LHX6: variants seen among roughly 807,000 people sequenced by gnomAD.
The protein encoded by LHX6 is LIM homeobox 6.
In LHX6, 15 loss-of-function variants were observed where a neutral mutation model predicts 47.1. The ratio of observed to expected loss-of-function variants is 0.32; its 90% CI spans 0.21 to 0.49. The LOEUF (loss-of-function observed/expected upper bound fraction) is 0.49. LHX6 is among the 20% of genes least tolerant of loss of function. The pLI is 0.99. For synonymous variants in LHX6, 242 were observed against 233.5 expected (o/e 1.04, Z -0.33); for missense variants, 404 against 539.6 (o/e 0.75, Z 2.49).
chr9:122,214,187 C>CG lies in LHX6; in HGVS notation c.783+95dup. 1 of 1,353,540 alleles carries CG rather than the reference C, an allele frequency of 7.4e-7. No homozygotes were observed. Among genetic ancestry groups the CG allele is most frequent in the Non-Finnish European group, 9.8e-7 (1 of 1,018,022 alleles). The allele number at this position is 1,353,540 out of a possible 1,614,324, so 83.8% of individuals were successfully genotyped here. On this transcript the variant is annotated intron_variant, in intron 6 of 9. Coordinates refer to ENST00000394319, the MANE Select transcript of LHX6 (RefSeq NM_014368.5). The surrounding 1 kb of genome is among the most constrained non-coding windows in gnomAD (Gnocchi z 4.6). ...GCAGCTGCGGCCCCGCCCCGCCACC[C>CG]GGGTCCGGCCCGAGGGGCGGAGCCA... is the stretch of plus-strand genomic sequence containing the variant.
intron 4 of LHX6, among the ~76,000 whole-genome samples, chr9:122,219,103 C>G (rs1341617544): frequency 6.6e-6 from 1 of 152,196 alleles, no homozygotes; most frequent in Non-Finnish European, 1.5e-5. Flanking sequence ...AGGAAACAGT[C>G]CGGCAAAAAG....
Position 122,217,731 on chromosome 9 carries a change from G to C in LHX6, c.462-443C>G, listed in dbSNP as rs1035641690. 1.3e-5 allele frequency among the ~76,000 whole-genome samples: 2 copies of C among 152,130 alleles called. No homozygotes were observed. The highest frequency in any genetic ancestry group is 4.8e-5 in the African/African-American group (2 of 41,412). On this transcript the variant is annotated intron_variant, in intron 4 of 9. Transcript: ENST00000394319. The surrounding 1 kb of genome is among the most constrained non-coding windows in gnomAD (Gnocchi z 4.9). ...AGAGAGGTAAAGTAACTTGCAGGAG[G>C]TCACACCGCTTGCAATGATAGGAAC...
intron 4 of LHX6, among the ~76,000 whole-genome samples, chr9:122,221,903 T>C (rs1350471952): frequency 6.6e-6 from 1 of 152,142 alleles, no homozygotes; most frequent in East Asian, 1.9e-4. Context: ...ATAGGGCTTA[T>C]CTAGTCTCTA....
At chr9:122,212,560 T>C (rs1172719319) in intron 8 of LHX6, among the ~76,000 whole-genome samples, 1 of 152,154 alleles carries the variant, frequency 6.6e-6, no homozygotes, top group African/African-American at 2.4e-5. Flanking sequence ...AAACAATTGA[T>C]GGGAACAACT....
chr9:122,227,576 C>T (rs1831166668), intron 1 of LHX6, 96 bp from the exon 2 acceptor site: 23 of 1,410,178 alleles, frequency 1.6e-5, no homozygotes, highest in Non-Finnish European at 1.8e-5. Flanking sequence ...TTATATAAAC[C>T]GGCGCCGAAC....
rs541551324 is a variant in LHX6 at position 122,214,624 on chromosome 9, C to T, written c.683-241G>A. Among the ~76,000 whole-genome samples the T allele has an allele frequency of 1.6e-4, 25 of 152,038 alleles. No individual in the cohort carries two copies. The highest frequency in any genetic ancestry group is 2.6e-4 in the Admixed American group (4 of 15,270). ...GTCTTACAGCCCTAAGGAGAGGTGG[C>T]GTTACCTCATTATACATGGGAGGAA... On this transcript the variant is annotated intron_variant, in intron 5 of 9. Transcript: ENST00000394319. The surrounding 1 kb of genome is among the most constrained non-coding windows in gnomAD (Gnocchi z 4.6).
chr9:122,217,805 A>G lies in LHX6; in HGVS notation c.462-517T>C, dbSNP rs1198903361. ...GAATATAAGCTATAGCGCCAGCTGT[A>G]CAGAAGTGCAGTTTCTTAGATGAAC... On this transcript the variant is annotated intron_variant, in intron 4 of 9. Transcript: ENST00000394319. The surrounding 1 kb of genome is among the most constrained non-coding windows in gnomAD (Gnocchi z 4.9). Among the ~76,000 whole-genome samples, 2 of 152,164 alleles carry G rather than the reference A, an allele frequency of 1.3e-5. No homozygotes were observed. The highest frequency in any genetic ancestry group is 4.8e-5 in the African/African-American group (2 of 41,438).
intron 1 of LHX6, chr9:122,227,952 A>AAT: frequency 7.6e-6 from 1 of 131,682 alleles, no homozygotes; most frequent in Admixed American, 8.1e-5. Context: ...TTCTCTCTCC[A>AAT]CCCGCCCCCC....
At position 122,217,031 on chromosome 9, in the gene LHX6, C is replaced by A; in HGVS notation, c.682+37G>T. On this transcript the variant is annotated intron_variant, in intron 5 of 9. Transcript: ENST00000394319. This position sits in a 1 kb window ranked among gnomAD's most constrained non-coding sequence, Gnocchi z 4.9. Reference sequence around the variant, plus strand: ...TGGGGTGGGGTGGGGTGGGAAAGGGCTGGGGGCAGAGGTGCCAGGCGGAGC... The same window carrying A: ...TGGGGTGGGGTGGGGTGGGAAAGGGATGGGGGCAGAGGTGCCAGGCGGAGC... The A allele has an allele frequency of 6.3e-7, 1 of 1,580,266 alleles. No homozygotes were observed. Among genetic ancestry groups the A allele is most frequent in the Non-Finnish European group, 8.7e-7 (1 of 1,151,048 alleles).
chr9:122,224,433 A>G (rs1831005804), intron 4 of LHX6, among the ~76,000 whole-genome samples: 1 of 152,178 alleles, frequency 6.6e-6, no homozygotes, highest in Non-Finnish European at 1.5e-5. Flanking sequence ...CTCAGATGGG[A>G]CAGTGAGAGG....
chr9:122,207,969 C>G (rs1195867821), intron 9 of LHX6, among the ~76,000 whole-genome samples: 1 of 152,106 alleles, frequency 6.6e-6, no homozygotes, highest in African/African-American at 2.4e-5. Flanking sequence ...CTCCTGACTC[C>G]AGCCCTAATG....
chr9:122,221,201 C>A, intron 4 of LHX6: 1 of 985,140 alleles, frequency 1.0e-6, no homozygotes, highest in Non-Finnish European at 1.2e-6. Context: ...TCTAGGTAAA[C>A]CCGTAGGGGA....
At chr9:122,210,513 C>A (rs1179615170) in intron 8 of LHX6, among the ~76,000 whole-genome samples, 2 of 152,106 alleles carry the variant, frequency 1.3e-5, no homozygotes, top group African/African-American at 4.8e-5. Flanking sequence ...TATCTCCTAC[C>A]CTCCCTGTCT....
rs553497706 is a variant in LHX6, at chr9:122,226,167, G to A, written c.461+209C>T. Among the ~76,000 whole-genome samples the A allele has an allele frequency of 7.2e-5, 11 of 152,288 alleles. No homozygotes were observed. The South Asian group carries it at 2.1e-3, about 29-fold the overall frequency. ...GACCGCGAGGACCGAAGGCAGATCC[G>A]GGGCGCAAACCTGTGCAGGCACTGG... On this transcript the variant is annotated intron_variant, in intron 4 of 9. Coordinates refer to ENST00000394319, the MANE Select transcript of LHX6 (RefSeq NM_014368.5). This position sits in a 1 kb window ranked among gnomAD's most constrained non-coding sequence, Gnocchi z 6.5.
chr9:122,210,350 G>T (rs1830356012), intron 8 of LHX6, among the ~76,000 whole-genome samples: 1 of 152,062 alleles, frequency 6.6e-6, no homozygotes, highest in Admixed American at 6.6e-5. Context: ...TGCCTATTCA[G>T]GCCCTGCAAG....
rs1012329612 is a variant in LHX6 at position 122,225,534 on chromosome 9, C to T, written c.461+842G>A. ...CGCCTGGCTGCTCTCGGCTGCTGGA[C>T]GCGGCCTGCAGTAGGGAGAGCGCAG... On this transcript the variant is annotated intron_variant, in intron 4 of 9. Transcript: ENST00000394319. Among the ~76,000 whole-genome samples the T allele has an allele frequency of 5.3e-5, 8 of 152,260 alleles. No homozygotes were observed. The South Asian group carries it at 6.2e-4, about 12-fold the overall frequency.
In LHX6 at chr9:122,226,218, C is replaced by T. The variant is rs1479334809; in HGVS notation, c.461+158G>A. 6.6e-6 allele frequency among the ~76,000 whole-genome samples: 1 copy of T among 152,212 alleles called. No homozygotes were observed. Among genetic ancestry groups the T allele is most frequent in the African/African-American group, 2.4e-5 (1 of 41,458 alleles). On this transcript the variant is annotated intron_variant, in intron 4 of 9. Coordinates refer to ENST00000394319, the MANE Select transcript of LHX6 (RefSeq NM_014368.5). The surrounding 1 kb of genome is among the most constrained non-coding windows in gnomAD (Gnocchi z 6.5). ...CGCGCTGCCTGGAGCTCTGGGTTCG[C>T]GCCGCTGAGCGCCGGCAGGTTGGAC...
intron 9 of LHX6, among the ~76,000 whole-genome samples, chr9:122,206,246 T>C (rs1373039008): frequency 6.6e-6 from 1 of 152,178 alleles, no homozygotes; most frequent in Non-Finnish European, 1.5e-5. Flanking sequence ...AGCACTGTTC[T>C]CCTGGCCAGG....
In LHX6 at chr9:122,214,754, T is replaced by TG. The variant is rs1491123283; in HGVS notation, c.683-372dup. Among the ~76,000 whole-genome samples the TG allele has an allele frequency of 6.6e-6, 1 of 151,986 alleles. No homozygotes were observed. The highest frequency in any genetic ancestry group is 1.9e-4 in the East Asian group (1 of 5,188). On this transcript the variant is annotated intron_variant, in intron 5 of 9. Transcript: ENST00000394319. This position sits in a 1 kb window ranked among gnomAD's most constrained non-coding sequence, Gnocchi z 4.6. ...AAACTGGGCTCCCTGCTGGCGAAAC[T>TG]GGGGGACACCAAAGGCTAGAGGAGA...
Sources: allele counts gnomAD v4.1 joint callset (sites outside exome capture counted in the v4.1 genomes callset), GRCh38; gene constraint gnomAD v4.1.1; non-coding constraint Gnocchi (gnomAD v3.1); transcripts MANE v1.5; gene names NCBI Gene and HGNC (gene_info 2026-07-23, HGNC 2026-07-21).